Variants in TET3 observed in about 807,000 individuals in gnomAD.
The protein encoded by TET3 is methylcytosine dioxygenase TET3.
In TET3, 19 loss-of-function variants were observed where a neutral mutation model predicts 141.4. The ratio of observed to expected loss-of-function variants is 0.13; its 90% confidence interval spans 0.09 to 0.20. The LOEUF is 0.20. Among genes scored for constraint, TET3 ranks in the 10% least tolerant of loss-of-function variants. TET3 has a pLI of 1.00. For missense variants in TET3, 1,874 were observed against 2,356.9 expected (o/e 0.80, Z 4.24); for synonymous variants, 1,043 against 980.9 (o/e 1.06, Z -1.18).
At chr2:74,068,665 A>T (rs1689038820) in intron 4 of TET3, among the ~76,000 whole-genome samples, 1 of 152,236 alleles carries the variant, frequency 6.6e-6, no homozygotes, top group Admixed American at 6.5e-5. Context: ...TAATTCAAAC[A>T]GATTGTGCAT....
chr2:73,986,799 C>T, intron 2 of TET3, 93 bp downstream of exon 2: 1 of 1,117,734 alleles, frequency 8.9e-7, no homozygotes, highest in Non-Finnish European at 1.1e-6. Flanking sequence ...CAGTTGAGTC[C>T]ATTCTCTCAT....
chr2:74,123,691 G>T, the TET3 span, among the ~76,000 whole-genome samples: 4 of 152,182 alleles, frequency 2.6e-5, no homozygotes, highest in Non-Finnish European at 2.9e-5. Context: ...CGTCTGGGAA[G>T]TGAGGAGCGT....
Position 74,099,353 on chromosome 2 carries a change from G to C in TET3, c.3345G>C (p.Leu1115=). The C allele has an allele frequency of 6.2e-7, 1 of 1,613,688 alleles. No individual in the cohort carries two copies. The part of the protein sequence containing the change: ...PEDEQLHVLP[L]YKMANTDEFG... The stretch of plus-strand genomic sequence containing the variant: ...ATGAGCAGCTGCATGTTCTCCCCCT[G>C]TACAAGATGGCCAACACGGATGAGT... Residue 1115 remains leucine, a synonymous_variant, in exon 11 of 12, where the codon CTG becomes CTC. Transcript: ENST00000409262.
intron 5 of TET3, among the ~76,000 whole-genome samples, chr2:74,078,188 AAATT>A (rs1399322894): frequency 7.9e-5 from 12 of 152,200 alleles, no homozygotes; most frequent in Admixed American, 7.9e-4. Flanking sequence ...TTGTTTTAAA[AAATT>A]AATTCGTTAA....
rs754567509 is a variant in TET3 at position 74,048,349 on chromosome 2, A to C, written c.2432A>C (p.Lys811Thr). 1 of 1,613,906 alleles carries C rather than the reference A, an allele frequency of 6.2e-7. No homozygotes were observed. Among genetic ancestry groups the C allele is most frequent in the Non-Finnish European group, 8.5e-7 (1 of 1,179,864 alleles). The change falls in exon 4 of 12, where the codon AAG becomes ACG. Residue 811 changes from lysine to threonine, a missense_variant. Transcript: ENST00000409262. Reference sequence around the variant, plus strand: ...CTTAAGTACCTGGACACACCCACCAAGAGTCTGCTGGACACACCTGCCAAG... The same window carrying C: ...CTTAAGTACCTGGACACACCCACCACGAGTCTGCTGGACACACCTGCCAAG... ...SPLKYLDTPT[K>T]SLLDTPAKRA...
chr2:74,038,325 C>T (rs896183876), intron 3 of TET3, among the ~76,000 whole-genome samples: 3 of 152,130 alleles, frequency 2.0e-5, no homozygotes, highest in African/African-American at 7.2e-5. Context: ...CTCTCAGTCT[C>T]CTAGTAACAA....
Position 74,047,390 on chromosome 2 carries a change from G to A in TET3, c.1473G>A (p.Lys491=). ...PEALPTKPKV[K]VEAPSSSPAP... ...CCCTGCCTACCAAGCCCAAGGTCAAGGTGGAGGCACCCTCTTCCTCCCCGG... is the reference window on the plus strand; with the variant it reads ...CCCTGCCTACCAAGCCCAAGGTCAAAGTGGAGGCACCCTCTTCCTCCCCGG... Residue 491 remains lysine (K), a synonymous_variant, in exon 4 of 12, where the codon AAG becomes AAA. Coordinates refer to ENST00000409262, the MANE Select transcript of TET3 (RefSeq NM_001287491.2). 6.2e-7 allele frequency: 1 copy of A among 1,613,708 alleles called. No individual in the cohort carries two copies. The highest frequency in any genetic ancestry group is 8.5e-7 in the Non-Finnish European group (1 of 1,179,840).
the TET3 span, among the ~76,000 whole-genome samples, chr2:74,127,696 T>C: frequency 9.9e-5 from 15 of 150,790 alleles, no homozygotes; most frequent in African/African-American, 3.4e-4. Flanking sequence ...TCTGTGAGGT[T>C]TTTTTTTTTT....
chr2:73,994,630 CTTTCTTT>C (rs1558693790), intron 2 of TET3, among the ~76,000 whole-genome samples: 3 of 131,244 alleles, frequency 2.3e-5, no homozygotes, highest in African/African-American at 1.1e-4. Context: ...TTCTTTCTTT[CTTTCTTT>C]CTTTTTTTTT....
intron 3 of TET3, among the ~76,000 whole-genome samples, chr2:74,015,447 A>C (rs989838968): frequency 2.0e-5 from 3 of 152,248 alleles, no homozygotes; most frequent in Non-Finnish European, 4.4e-5. Flanking sequence ...AGACTTAAAA[A>C]TGAGTACATG....
At chr2:74,091,542 C>T (rs1186328048) in intron 8 of TET3, among the ~76,000 whole-genome samples, 2 of 152,272 alleles carry the variant, frequency 1.3e-5, no homozygotes, top group African/African-American at 4.8e-5. Flanking sequence ...ACAAGCCTCA[C>T]CCCCTGCTGT....
downstream of TET3, among the ~76,000 whole-genome samples, chr2:74,113,022 A>AC (rs1691741899): frequency 6.7e-6 from 1 of 150,340 alleles, no homozygotes; most frequent in Admixed American, 6.6e-5. Context: ...AAAAAAAAAA[A>AC]AAAAAAAAAA....
chr2:74,049,503 G>A (rs1687825518), intron 4 of TET3, among the ~76,000 whole-genome samples: 1 of 152,072 alleles, frequency 6.6e-6, no homozygotes, highest in Non-Finnish European at 1.5e-5. Flanking sequence ...AGGTCCACTC[G>A]GCCCCCACAC....
intron 7 of TET3, among the ~76,000 whole-genome samples, chr2:74,088,759 G>A (rs1690303104): frequency 2.6e-5 from 4 of 152,160 alleles, no homozygotes; most frequent in Admixed American, 2.6e-4. Flanking sequence ...AATGTTTACA[G>A]TCACGTACCT....
downstream of TET3, among the ~76,000 whole-genome samples, chr2:74,111,198 C>A (rs891668599): frequency 2.0e-5 from 3 of 152,144 alleles, no homozygotes; most frequent in African/African-American, 7.2e-5. Flanking sequence ...ACAAATGCCC[C>A]CAAAAGAATC....
chr2:74,089,670 T>C (rs552181905), intron 7 of TET3, among the ~76,000 whole-genome samples: 55 of 152,336 alleles, frequency 3.6e-4, no homozygotes, highest in African/African-American at 1.3e-3. Context: ...ACAGACTCAG[T>C]GTTAGACCTG....
At chr2:74,108,458 CT>C (rs1188542066), downstream of TET3, among the ~76,000 whole-genome samples, 1 of 151,888 alleles carries the variant, frequency 6.6e-6, no homozygotes, top group African/African-American at 2.4e-5. Flanking sequence ...TTTTTTTGTC[CT>C]TTTTTTTCTT....
At chr2:74,096,641 G>A (rs1234207711) in intron 10 of TET3, among the ~76,000 whole-genome samples, 6 of 152,014 alleles carry the variant, frequency 3.9e-5, no homozygotes, top group South Asian at 2.1e-4. Flanking sequence ...GGTGGCAGGC[G>A]CCTGTAATCC....
At chr2:74,126,063 G>A in the TET3 span, among the ~76,000 whole-genome samples, 2 of 152,124 alleles carry the variant, frequency 1.3e-5, no homozygotes, top group South Asian at 2.1e-4. Context: ...AAGTAAATAA[G>A]TACTTGCACT....
Sources: allele counts gnomAD v4.1 joint callset (sites outside exome capture counted in the v4.1 genomes callset), GRCh38; gene constraint gnomAD v4.1.1; transcripts MANE v1.5; gene names NCBI Gene and HGNC (gene_info 2026-07-23, HGNC 2026-07-21).